The following INPP5D variants were observed in gnomAD, a reference collection of about 807,000 sequenced individuals.
INPP5D encodes the protein phosphatidylinositol 3,4,5-trisphosphate 5-phosphatase 1.
INPP5D carries 33 observed loss-of-function variants against 122.9 expected under a neutral mutation model. That is an observed-to-expected ratio of 0.27 (90% confidence interval 0.20 to 0.36). The LOEUF (loss-of-function observed/expected upper bound fraction) is 0.36, where lower values mean the gene tolerates loss of function less well. Ranked by LOEUF, INPP5D falls within the 10% of genes least tolerant of loss-of-function variation. The pLI is 1.00. For synonymous variants in INPP5D, 584 were observed against 576.2 expected (o/e 1.01, Z -0.19); for missense variants, 1,053 against 1,412.7 (o/e 0.75, Z 4.08).
At chr2:233,205,516 C>T (rs55820044) in intron 26 of INPP5D, 6 of 151,202 alleles carry the variant, frequency 4.0e-5, no homozygotes, top group Admixed American at 2.0e-4. Flanking sequence ...CACCTGCCAC[C>T]ATGCCTGGCT....
intron 5 of INPP5D, among the ~76,000 whole-genome samples, chr2:233,139,328 G>A (rs1041237524): frequency 2.7e-4 from 41 of 152,158 alleles, no homozygotes; most frequent in Non-Finnish European, 4.9e-4. Flanking sequence ...GGGAAAATCC[G>A]TCTGAGCCTG....
intron 9 of INPP5D, among the ~76,000 whole-genome samples, chr2:233,156,160 C>A (rs1240621627): frequency 1.3e-5 from 2 of 152,246 alleles, no homozygotes; most frequent in African/African-American, 4.8e-5. Flanking sequence ...GGAAAGGGGC[C>A]ACTGGGCATA....
chr2:233,152,670 G>A (rs1178151445), intron 9 of INPP5D, among the ~76,000 whole-genome samples: 1 of 152,166 alleles, frequency 6.6e-6, no homozygotes, highest in Non-Finnish European at 1.5e-5. Flanking sequence ...TGCTGGCTGT[G>A]CCCAACCCAG....
In INPP5D at chr2:233,170,921, A is replaced by T; in HGVS notation, c.1901-143A>T. 1 of 1,230,226 alleles carries T rather than the reference A, an allele frequency of 8.1e-7. No individual in the cohort carries two copies. The highest frequency in any genetic ancestry group is 1.1e-6 in the Non-Finnish European group (1 of 903,318). 76.2% of individuals were successfully genotyped at this position (1,230,226 alleles called of 1,614,324 possible). A position where few individuals can be genotyped will look rare whatever the true frequency, so the allele number is the denominator to read the frequency against. On this transcript the variant is annotated intron_variant, in intron 16 of 26. Transcript: ENST00000445964. This position sits in a 1 kb window ranked among gnomAD's most constrained non-coding sequence, Gnocchi z 4.5. ...ACTCCGTCTCAAAAAAAAAAAAAAA[A>T]AAAGCAGCAGCCTCTCCTCTTGGAG...
Position 233,164,464 on chromosome 2 carries a change from T to C in INPP5D, c.1555+40T>C. ...GACCCTGTGTTCCTCCCACACCCTC[T>C]GCCTCAACTCTCGCGACCACATCAT... On this transcript the variant is annotated intron_variant, in intron 13 of 26. Transcript: ENST00000445964. This position sits in a 1 kb window ranked among gnomAD's most constrained non-coding sequence, Gnocchi z 4.3. 6.6e-7 allele frequency: 1 copy of C among 1,512,326 alleles called. No individual in the cohort carries two copies. The highest frequency in any genetic ancestry group is 8.9e-7 in the Non-Finnish European group (1 of 1,121,850). The allele number at this position is 1,512,326 out of a possible 1,614,324, so 93.7% of individuals were successfully genotyped here. A position where few individuals can be genotyped will look rare whatever the true frequency, so the allele number is the denominator to read the frequency against.
At chr2:233,080,891 T>C (rs1012437288) in intron 2 of INPP5D, among the ~76,000 whole-genome samples, 20 of 152,170 alleles carry the variant, frequency 1.3e-4, no homozygotes, top group Non-Finnish European at 2.8e-4. Flanking sequence ...CCAAGGGGCA[T>C]GTGTGATGCA....
intron 26 of INPP5D, 88 bp downstream of exon 26, chr2:233,204,805 C>T (rs1695450181): frequency 2.1e-6 from 3 of 1,427,238 alleles, no homozygotes; most frequent in South Asian, 3.0e-5. Context: ...TATGTGTGTG[C>T]ATGTGTGTGT....
Position 233,195,339 on chromosome 2 carries a change from C to T in INPP5D, c.2597-60C>T, listed in dbSNP as rs111667434. The T allele has an allele frequency of 1.1e-5, 17 of 1,611,818 alleles. No homozygotes were observed. In the African/African-American group the frequency reaches 1.5e-4, roughly 14 times the overall value. The stretch of plus-strand genomic sequence containing the variant: ...TGCAAATGGAAACCCCTTTGCCATC[C>T]CTCGCCTAAGCTCTGGAAGCTGGGC... On this transcript the variant is annotated intron_variant, in intron 23 of 26. Transcript: ENST00000445964.
At chr2:233,150,576 C>T (rs1428209872) in intron 9 of INPP5D, among the ~76,000 whole-genome samples, 1 of 152,144 alleles carries the variant, frequency 6.6e-6, no homozygotes, top group Admixed American at 6.5e-5. Flanking sequence ...TGTCAGAGCA[C>T]CTGATTACTA....
intron 2 of INPP5D, among the ~76,000 whole-genome samples, chr2:233,115,360 C>T (rs1692758374): frequency 2.0e-5 from 3 of 152,180 alleles, no homozygotes; most frequent in Non-Finnish European, 2.9e-5. Context: ...GCAAACAGTG[C>T]TAAAGTTAAA....
intron 2 of INPP5D, among the ~76,000 whole-genome samples, chr2:233,095,395 G>A (rs1199207569): frequency 6.6e-6 from 1 of 152,132 alleles, no homozygotes; most frequent in Non-Finnish European, 1.5e-5. Context: ...CGAGGCGGGT[G>A]GATCACCTGA....
At chr2:233,092,556 T>C (rs1436632387) in intron 2 of INPP5D, among the ~76,000 whole-genome samples, 3 of 152,188 alleles carry the variant, frequency 2.0e-5, no homozygotes, top group East Asian at 1.9e-4. Context: ...TACCAAAAGA[T>C]GTGTGGTTAA....
At chr2:233,124,169 C>T (rs192169854) in intron 3 of INPP5D, among the ~76,000 whole-genome samples, 82 of 151,970 alleles carry the variant, frequency 5.4e-4, no homozygotes, top group East Asian at 1.9e-4. Context: ...GATACCTAAC[C>T]GGGCCCCTCA....
At chr2:233,107,589 C>T (rs906722672) in intron 2 of INPP5D, among the ~76,000 whole-genome samples, 2 of 152,080 alleles carry the variant, frequency 1.3e-5, no homozygotes, top group East Asian at 1.9e-4. Flanking sequence ...CAAAACAAGG[C>T]GAGAGGAATG....
At chr2:233,104,560 G>A (rs1287398318) in intron 2 of INPP5D, among the ~76,000 whole-genome samples, 1 of 152,160 alleles carries the variant, frequency 6.6e-6, no homozygotes, top group Non-Finnish European at 1.5e-5. Context: ...GCCATGGGGG[G>A]TAGGCTCAGG....
chr2:233,173,338 A>T (rs1694540894), intron 17 of INPP5D, among the ~76,000 whole-genome samples: 1 of 152,180 alleles, frequency 6.6e-6, no homozygotes, highest in Non-Finnish European at 1.5e-5. Flanking sequence ...GGCCTAGGAC[A>T]TTACTATGCA....
At chr2:233,114,922 CA>C (rs1206969983) in intron 2 of INPP5D, among the ~76,000 whole-genome samples, 2 of 151,718 alleles carry the variant, frequency 1.3e-5, no homozygotes, top group Admixed American at 6.6e-5. Flanking sequence ...GGCTGGACTG[CA>C]ATGGCACAAT....
At chr2:233,081,472 C>T (rs1559279465) in intron 2 of INPP5D, among the ~76,000 whole-genome samples, 1 of 152,170 alleles carries the variant, frequency 6.6e-6, no homozygotes, top group African/African-American at 2.4e-5. Context: ...AAAGACATGA[C>T]TCTGTGGCTT....
chr2:233,146,761 T>A (rs746176165), intron 8 of INPP5D, among the ~76,000 whole-genome samples: 10 of 150,916 alleles, frequency 6.6e-5, no homozygotes, highest in Non-Finnish European at 1.3e-4. Flanking sequence ...AAGTACTGCC[T>A]CAAGGGGGTG....
Sources: allele counts gnomAD v4.1 joint callset (sites outside exome capture counted in the v4.1 genomes callset), GRCh38; gene constraint gnomAD v4.1.1; non-coding constraint Gnocchi (gnomAD v3.1); transcripts MANE v1.5; gene names NCBI Gene and HGNC (gene_info 2026-07-23, HGNC 2026-07-21).